The following RSRC2 variants were observed in gnomAD, a reference collection of about 807,000 sequenced individuals.
The protein encoded by RSRC2 is arginine and serine rich coiled-coil 2.
Under a neutral mutation model 61.3 loss-of-function variants are expected in RSRC2, and 5 were observed. The observed-to-expected ratio is 0.08, with a 90% CI of 0.04 to 0.17. The LOEUF (loss-of-function observed/expected upper bound fraction) is 0.17, where lower values mean the gene tolerates loss of function less well. Ranked by LOEUF, RSRC2 falls within the 10% of genes least tolerant of loss-of-function variation. RSRC2 has a pLI of 1.00. For missense variants in RSRC2, 381 were observed against 518.8 expected (o/e 0.73, Z 2.58); for synonymous variants, 202 against 166.5 (o/e 1.21, Z -1.64).
At chr12:122,507,439 C>T (rs10734920) in intron 8 of RSRC2, among the ~76,000 whole-genome samples, 149,532 of 152,112 alleles carry the variant, frequency 0.98, 73,526 homozygotes, top group Middle Eastern at 1. Context: ...AGACCTTTTT[C>T]AACATGCAAT....
chr12:122,507,372 GACTCTGTCTCAAAAATA>G (rs1321035247), intron 8 of RSRC2: 1 of 157,670 alleles, frequency 6.3e-6, no homozygotes, highest in African/African-American at 2.4e-5. Flanking sequence ...ACAAGAGCAA[GACTCTGTCTCAAAAATA>G]ATAAAAATAA....
chr12:122,505,777 T>C, intron 9 of RSRC2, 71 bp from the exon 10 acceptor site: 1 of 1,366,168 alleles, frequency 7.3e-7, no homozygotes, highest in Non-Finnish European at 1.0e-6. Flanking sequence ...GACACTATTT[T>C]TTATGTATTT....
intron 2 of RSRC2, 34 bp from the exon 3 acceptor site, chr12:122,521,462 C>T (rs543993423): frequency 1.3e-6 from 2 of 1,578,736 alleles, no homozygotes. Flanking sequence ...TCACCATAAA[C>T]AAAGTTGGAG....
rs1195715117 is a variant in RSRC2 at position 122,526,079 on chromosome 12, C to T, written c.6+769G>A. The T allele has an allele frequency of 2.3e-4, 2 of 8,698 alleles. 1 individual carries two copies. The highest frequency in any genetic ancestry group is 3.9e-4 in the Non-Finnish European group (2 of 5,184). The allele number at this position is 8,698 out of a possible 1,614,324, so 0.5% of individuals were successfully genotyped here. ...CCTCGTGATCCGCCCGCCTCGGCCT[C>T]CCAAAGTGCTGGGATTACAGGCGTG... On this transcript the variant is annotated intron_variant, in intron 1 of 9. Transcript: ENST00000331738.
At chr12:122,522,480 A>G in intron 1 of RSRC2, 181 bp from the exon 2 acceptor site, 1 of 492,878 alleles carries the variant, frequency 2.0e-6, no homozygotes, top group Non-Finnish European at 3.5e-6. Context: ...GAAATGACGA[A>G]CCTGATACTA....
intron 6 of RSRC2, 116 bp downstream of exon 6, chr12:122,514,989 C>T (rs1958802536): frequency 2.7e-6 from 3 of 1,124,800 alleles, no homozygotes; most frequent in Admixed American, 4.5e-5. Flanking sequence ...ACAAATATGC[C>T]ACCATATTAC....
Position 122,505,750 on chromosome 12 carries a change from T to C in RSRC2, c.1126-44A>G, listed in dbSNP as rs755605942. On this transcript the variant is annotated intron_variant, in intron 9 of 9. Transcript: ENST00000331738. ...ACATTACAATGAATTCAGATGGAGA[T>C]AAATATTCTCTCACTTGACACTATT... is the stretch of plus-strand genomic sequence containing the variant. 27 of 1,499,246 alleles carry C rather than the reference T, an allele frequency of 1.8e-5. No individual in the cohort carries two copies. In the South Asian group the frequency reaches 3.0e-4, roughly 17 times the overall value. 92.9% of individuals were successfully genotyped at this position (1,499,246 alleles called of 1,614,324 possible).
In RSRC2 at chr12:122,526,042, T is replaced by A. The variant is rs1208402691; in HGVS notation, c.6+806A>T. The A allele has an allele frequency of 1.8e-4, 2 of 10,926 alleles. 1 individual carries two copies. Among genetic ancestry groups the A allele is most frequent in the Non-Finnish European group, 3.1e-4 (2 of 6,476 alleles). The allele number at this position is 10,926 out of a possible 1,614,324, so 0.7% of individuals were successfully genotyped here. Reference sequence around the variant, plus strand: ...TTTCACCGTTTTAGCCGGGATGGTCTCGATCTCCTGACCTCGTGATCCGCC... The same window carrying A: ...TTTCACCGTTTTAGCCGGGATGGTCACGATCTCCTGACCTCGTGATCCGCC... On this transcript the variant is annotated intron_variant, in intron 1 of 9. Transcript: ENST00000331738.
At chr12:122,523,899 G>A (rs951496339) in intron 1 of RSRC2, 2 of 152,072 alleles carry the variant, frequency 1.3e-5, no homozygotes, top group African/African-American at 2.4e-5. Flanking sequence ...AAAACAGAAA[G>A]GTTTTGCAGT....
At chr12:122,514,217 T>C (rs1169919999) in intron 6 of RSRC2, among the ~76,000 whole-genome samples, 1 of 152,090 alleles carries the variant, frequency 6.6e-6, no homozygotes, top group Admixed American at 6.5e-5. Flanking sequence ...GGTTTCACCA[T>C]TACTCATCTT....
Position 122,504,744 on chromosome 12 carries a change from TTAAAA to T in RSRC2, c.*778_*782del, listed in dbSNP as rs757298847. 1.1e-4 allele frequency: 17 copies of T among 152,794 alleles called. No homozygotes were observed. The highest frequency in any genetic ancestry group is 2.6e-4 in the Admixed American group (4 of 15,296). The allele number at this position is 152,794 out of a possible 1,614,324, so 9.5% of individuals were successfully genotyped here. ...AAAGAACTTGTTATAAGGCACTTTA[TTAAAA>T]TAAAAGTGCTTACATCCCTTTAATG... is the stretch of plus-strand genomic sequence containing the variant. On this transcript the variant is annotated 3_prime_UTR_variant, in exon 10 of 10. Transcript: ENST00000331738.
chr12:122,524,044 G>A (rs1959667356), intron 1 of RSRC2, among the ~76,000 whole-genome samples: 1 of 152,168 alleles, frequency 6.6e-6, no homozygotes, highest in African/African-American at 2.4e-5. Context: ...CAGTCTGGGT[G>A]ACTTCTGGAA....
intron 8 of RSRC2, 40 bp downstream of exon 8, chr12:122,508,178 T>C: frequency 6.4e-7 from 1 of 1,552,284 alleles, no homozygotes; most frequent in Admixed American, 1.7e-5. Context: ...CAATTACTAA[T>C]TAGGAATAAA....
intron 1 of RSRC2, chr12:122,522,810 C>A (rs1477529309): frequency 4.6e-5 from 7 of 152,362 alleles, no homozygotes; most frequent in Non-Finnish European, 1.0e-4. Flanking sequence ...TAAGTGAGAA[C>A]CTCATCTTAA....
In RSRC2 at chr12:122,511,105, T is replaced by C. The variant is rs958211514; in HGVS notation, c.805+4A>G. On this transcript the variant is annotated splice_donor_region_variant and intron_variant, in intron 7 of 9. Coordinates refer to ENST00000331738, the MANE Select transcript of RSRC2 (RefSeq NM_023012.6). ...GATGACTAAAAAAGAATGAAAAAAA[T>C]TACCTGCAGCTATTTCTTGTTGTTT... 9 of 1,592,088 alleles carry C rather than the reference T, an allele frequency of 5.7e-6. No homozygotes were observed. Among genetic ancestry groups the C allele is most frequent in the Non-Finnish European group, 7.7e-6 (9 of 1,172,488 alleles).
intron 1 of RSRC2, 43 bp downstream of exon 1, chr12:122,526,805 G>C (rs748130878): frequency 1.2e-6 from 2 of 1,611,682 alleles, no homozygotes; most frequent in Non-Finnish European, 8.5e-7. Flanking sequence ...TTGGAACGTA[G>C]CAGAAAAATA....
intron 7 of RSRC2, among the ~76,000 whole-genome samples, chr12:122,509,271 A>AC (rs1360791856): frequency 2.0e-5 from 3 of 151,828 alleles, no homozygotes; most frequent in East Asian, 1.9e-4. Flanking sequence ...ACATAGTGAA[A>AC]CCCCGTCTCA....
chr12:122,521,301 C>T (rs1959201720), intron 3 of RSRC2, 84 bp downstream of exon 3: 3 of 1,024,270 alleles, frequency 2.9e-6, no homozygotes, highest in Non-Finnish European at 4.5e-6. Flanking sequence ...CTTACCTTGA[C>T]AACGTCTTAT....
intron 5 of RSRC2, among the ~76,000 whole-genome samples, chr12:122,516,823 G>T (rs537859135): frequency 6.6e-6 from 1 of 152,220 alleles, no homozygotes; most frequent in South Asian, 2.1e-4. Context: ...CTCCCAAGTA[G>T]CTGGGATCAT....
Sources: gnomAD v4.1 joint callset for allele counts (sites outside exome capture counted in the v4.1 genomes callset) on GRCh38, gnomAD v4.1.1 for gene constraint, MANE v1.5 for transcripts, NCBI Gene and HGNC (gene_info 2026-07-23, HGNC 2026-07-21) for gene names.